Variants in LOC122539214 observed in about 807,000 individuals in gnomAD.
the LOC122539214 span, among the ~76,000 whole-genome samples, chr19:52,678,449 CA>C: frequency 5.7e-4 from 63 of 109,640 alleles, no homozygotes; most frequent in South Asian, 2.9e-3. Flanking sequence ...GACTTCATCT[CA>C]AAAAAAAAAA....
the LOC122539214 span, chr19:52,655,577 C>T: frequency 2.5e-5 from 38 of 1,501,728 alleles, no homozygotes; most frequent in Middle Eastern, 3.4e-4. Flanking sequence ...ACTCCAGGTT[C>T]CTGTAGTTCT....
At chr19:52,655,612 C>T in the LOC122539214 span, 1 of 1,504,730 alleles carries the variant, frequency 6.6e-7, no homozygotes, top group African/African-American at 1.4e-5. Context: ...CTGTATAAAG[C>T]CCTCTGTGCA....
At chr19:52,667,485 T>C in the LOC122539214 span, among the ~76,000 whole-genome samples, 1 of 152,194 alleles carries the variant, frequency 6.6e-6, no homozygotes, top group Non-Finnish European at 1.5e-5. Context: ...AAACAGTTTA[T>C]GTGCAAGTTG....
chr19:52,674,359 A>AG, the LOC122539214 span: 1 of 152,282 alleles, frequency 6.6e-6, no homozygotes, highest in South Asian at 2.1e-4. Context: ...CTTTTCCTGT[A>AG]GGATCTCACA....
At chr19:52,678,416 C>G in the LOC122539214 span, among the ~76,000 whole-genome samples, 6 of 142,066 alleles carry the variant, frequency 4.2e-5, no homozygotes, top group Non-Finnish European at 9.0e-5. Flanking sequence ...CACCATTGCA[C>G]TCCAGCCTGG....
the LOC122539214 span, among the ~76,000 whole-genome samples, chr19:52,676,220 T>A: frequency 6.6e-6 from 1 of 152,146 alleles, no homozygotes; most frequent in East Asian, 1.9e-4. Context: ...TAACCGTGAG[T>A]GATCTGCCAG....
chr19:52,651,924 A>T, the LOC122539214 span: 4 of 174,078 alleles, frequency 2.3e-5, no homozygotes, highest in Non-Finnish European at 4.0e-5. Flanking sequence ...CTCAATGTTA[A>T]GTCAACTCAA....
the LOC122539214 span, among the ~76,000 whole-genome samples, chr19:52,670,840 A>T: frequency 3.3e-5 from 5 of 152,202 alleles, no homozygotes; most frequent in Non-Finnish European, 7.3e-5. Context: ...ACATTTTCTG[A>T]TTAGAATTGG....
the LOC122539214 span, among the ~76,000 whole-genome samples, chr19:52,656,388 G>A: frequency 6.6e-6 from 1 of 152,102 alleles, no homozygotes; most frequent in Non-Finnish European, 1.5e-5. Flanking sequence ...TGGGCATGGT[G>A]GGGGAATGTG....
chr19:52,653,186 G>T, the LOC122539214 span: 1 of 1,495,142 alleles, frequency 6.7e-7, no homozygotes, highest in South Asian at 1.1e-5. Flanking sequence ...TGGCCCACAA[G>T]GGATGACTTC....
chr19:52,669,022 G>A, the LOC122539214 span, among the ~76,000 whole-genome samples: 1 of 152,034 alleles, frequency 6.6e-6, no homozygotes, highest in African/African-American at 2.4e-5. Flanking sequence ...TTGGAGACCT[G>A]AAGGGATGCA....
At chr19:52,663,980 G>A in the LOC122539214 span, among the ~76,000 whole-genome samples, 2 of 152,054 alleles carry the variant, frequency 1.3e-5, no homozygotes, top group Non-Finnish European at 2.9e-5. Context: ...TCCACCTCCC[G>A]GATTCAAGCT....
chr19:52,661,756 C>T, the LOC122539214 span, among the ~76,000 whole-genome samples: 1 of 152,152 alleles, frequency 6.6e-6, no homozygotes, highest in African/African-American at 2.4e-5. Context: ...AAAAGAATCA[C>T]ACAGAACAGG....
chr19:52,675,690 G>A, the LOC122539214 span, among the ~76,000 whole-genome samples: 1 of 152,028 alleles, frequency 6.6e-6, no homozygotes, highest in African/African-American at 2.4e-5. Flanking sequence ...ACCATGTGAT[G>A]CAAGGCCAGG....
the LOC122539214 span, among the ~76,000 whole-genome samples, chr19:52,677,005 C>G: frequency 3.4e-5 from 5 of 146,940 alleles, no homozygotes; most frequent in Admixed American, 6.8e-5. Flanking sequence ...GCCGCAGGGT[C>G]CTCTGCCTAG....
the LOC122539214 span, among the ~76,000 whole-genome samples, chr19:52,659,033 ATATC>A: frequency 2.0e-3 from 298 of 152,270 alleles, 1 homozygote; most frequent in African/African-American, 6.7e-3. Context: ...GCAAAGCAGA[ATATC>A]TATGTGTCGG....
At chr19:52,677,031 T>C in the LOC122539214 span, among the ~76,000 whole-genome samples, 2 of 147,456 alleles carry the variant, frequency 1.4e-5, no homozygotes, top group Non-Finnish European at 3.0e-5. Context: ...CCAGAGACCT[T>C]TGTTCACTTG....
chr19:52,652,557 G>T, the LOC122539214 span: 1 of 437,660 alleles, frequency 2.3e-6, no homozygotes, highest in South Asian at 1.7e-5. Context: ...CATGACATTT[G>T]TAACGTTTCT....
At chr19:52,671,855 A>G in the LOC122539214 span, among the ~76,000 whole-genome samples, 1 of 152,218 alleles carries the variant, frequency 6.6e-6, no homozygotes, top group Non-Finnish European at 1.5e-5. Flanking sequence ...TTATTTTCAT[A>G]TAGAGAAAGA....
Sources: allele counts gnomAD v4.1 joint callset (sites outside exome capture counted in the v4.1 genomes callset), GRCh38; gene constraint gnomAD v4.1.1; transcripts MANE v1.5.